Variants in GTF2F2 observed in about 807,000 individuals in gnomAD.
GTF2F2 encodes the protein ATP-dependent helicase GTF2F2.
A neutral mutation model predicts 42.2 loss-of-function variants in GTF2F2; 23 were observed. The ratio of observed to expected loss-of-function variants is 0.55; its 90% CI spans 0.39 to 0.77. The LOEUF is 0.77. Among genes scored for constraint, GTF2F2 ranks in the 30% least tolerant of loss-of-function variants. The probability of loss-of-function intolerance (pLI) is 0.00; values close to 1 mark genes in which losing one functional copy is unlikely to be tolerated. For missense variants in GTF2F2, 261 were observed against 287.2 expected, an observed-to-expected ratio of 0.91 and a Z score of 0.66; for synonymous variants, 105 against 100.8, an observed-to-expected ratio of 1.04 and a Z score of -0.25.
At chr13:45,139,413 C>T (rs952523633) in intron 2 of GTF2F2, among the ~76,000 whole-genome samples, 1 of 152,186 alleles carries the variant, frequency 6.6e-6, no homozygotes, top group South Asian at 2.1e-4. Context: ...ACTGTGTCCT[C>T]GGATGTCCTC....
At chr13:45,175,668 G>T (rs762851150) in intron 4 of GTF2F2, among the ~76,000 whole-genome samples, 32 of 151,996 alleles carry the variant, frequency 2.1e-4, no homozygotes, top group Non-Finnish European at 4.4e-5. Context: ...TTTTGCCCAG[G>T]CTGAAGTGCA....
chr13:45,189,152 G>A (rs1872536153), intron 4 of GTF2F2, among the ~76,000 whole-genome samples: 1 of 152,074 alleles, frequency 6.6e-6, no homozygotes, highest in Non-Finnish European at 1.5e-5. Context: ...AACATGTGGT[G>A]TTTGGTTTTC....
chr13:45,230,147 C>T lies in GTF2F2; in HGVS notation c.386+22642C>T, dbSNP rs140285312. On this transcript the variant is annotated intron_variant, in intron 5 of 7. Coordinates refer to ENST00000340473, the MANE Select transcript of GTF2F2 (RefSeq NM_004128.3). The stretch of plus-strand genomic sequence containing the variant: ...AGGAGAATCGTTTAAACCCATGAGG[C>T]GGAGGTTACAGTGAGCCAAGATCGC... Among the ~76,000 whole-genome samples the T allele has an allele frequency of 6.1e-3, 919 of 151,860 alleles. 8 individuals are homozygous for T. Among genetic ancestry groups the T allele is most frequent in the African/African-American group, 0.021 (852 of 41,412 alleles).
chr13:45,283,111 G>A (rs1007029797), intron 7 of GTF2F2, among the ~76,000 whole-genome samples: 5 of 152,092 alleles, frequency 3.3e-5, no homozygotes, highest in Non-Finnish European at 7.3e-5. Flanking sequence ...TTGGTGTACC[G>A]TGTCACACTG....
At chr13:45,236,636 A>T (rs75415981) in intron 5 of GTF2F2, among the ~76,000 whole-genome samples, 1 of 152,278 alleles carries the variant, frequency 6.6e-6, no homozygotes, top group Admixed American at 6.5e-5. Context: ...CCCTAAAAGC[A>T]TTAGCCTATT....
intron 1 of GTF2F2, among the ~76,000 whole-genome samples, chr13:45,127,492 A>AT (rs34519885): frequency 0.23 from 31,073 of 137,416 alleles, 3,775 homozygotes; most frequent in African/African-American, 0.28. Context: ...CGCCCAACTA[A>AT]TTTTTTTTTT....
At chr13:45,126,345 G>T (rs1188197235) in intron 1 of GTF2F2, among the ~76,000 whole-genome samples, 1 of 145,416 alleles carries the variant, frequency 6.9e-6, no homozygotes, top group African/African-American at 2.6e-5. Flanking sequence ...TCCGCCTCCC[G>T]GCTTCAAGCG....
rs924768762 is a variant in GTF2F2 at position 45,244,358 on chromosome 13, A to C, written c.387-8513A>C. On this transcript the variant is annotated intron_variant, in intron 5 of 7. Transcript: ENST00000340473. ...CAATTTTGTTTTGTTTTTGCTTACT[A>C]TGAGGAAAAAATGATATTGAGATGA... 2.0e-5 allele frequency among the ~76,000 whole-genome samples: 3 copies of C among 152,206 alleles called. No individual in the cohort carries two copies. The South Asian group carries it at 6.2e-4, about 31-fold the overall frequency.
intron 5 of GTF2F2, among the ~76,000 whole-genome samples, chr13:45,210,857 A>G (rs1479249753): frequency 6.6e-6 from 1 of 152,214 alleles, no homozygotes; most frequent in Admixed American, 6.5e-5. Flanking sequence ...TTTTAGATAG[A>G]TCATTCTGGC....
At chr13:45,158,746 T>A (rs1265914351) in intron 4 of GTF2F2, among the ~76,000 whole-genome samples, 2 of 152,204 alleles carry the variant, frequency 1.3e-5, no homozygotes, top group Non-Finnish European at 2.9e-5. Context: ...CTCATGGTTA[T>A]CTCCACGGTG....
intron 6 of GTF2F2, 82 bp from the exon 7 acceptor site, chr13:45,267,151 A>G: frequency 1.3e-6 from 1 of 774,558 alleles, no homozygotes; most frequent in Non-Finnish European, 1.8e-6. Context: ...CTCTGTCTCA[A>G]AAAAAAAAAA....
chr13:45,244,423 A>C (rs1414273655), intron 5 of GTF2F2, among the ~76,000 whole-genome samples: 1 of 151,386 alleles, frequency 6.6e-6, no homozygotes, highest in East Asian at 1.9e-4. Context: ...GCACATAGTA[A>C]GTGTTCTTTA....
chr13:45,191,224 A>AAAAAAAATATATATATATATATATAT, intron 4 of GTF2F2, among the ~76,000 whole-genome samples: 19 of 75,274 alleles, frequency 2.5e-4, no homozygotes, highest in African/African-American at 4.0e-4. Flanking sequence ...ACAAAAAAAA[A>AAAAAAAATATATATATATATATATAT]ATATATATAT....
intron 4 of GTF2F2, among the ~76,000 whole-genome samples, chr13:45,156,014 C>T (rs1186165481): frequency 6.6e-6 from 1 of 151,960 alleles, no homozygotes; most frequent in Non-Finnish European, 1.5e-5. Context: ...CTGTGTTGCC[C>T]AGGCTGAACT....
chr13:45,126,932 T>C (rs893805999), intron 1 of GTF2F2, among the ~76,000 whole-genome samples: 1 of 152,220 alleles, frequency 6.6e-6, no homozygotes, highest in African/African-American at 2.4e-5. Context: ...GTTGTACTTA[T>C]TACCTTGTCT....
chr13:45,132,495 A>G lies in GTF2F2; in HGVS notation c.67-4238A>G, dbSNP rs955472426. 2.6e-5 allele frequency among the ~76,000 whole-genome samples: 4 copies of G among 151,272 alleles called. No individual in the cohort carries two copies. In the East Asian group the frequency reaches 5.8e-4, roughly 22 times the overall value. On this transcript the variant is annotated intron_variant, in intron 1 of 7. Coordinates refer to ENST00000340473, the MANE Select transcript of GTF2F2 (RefSeq NM_004128.3). ...GGCCTCTTCAATATGGCAGATTTCT[A>G]AATCAGAGTGTGCACACTGAGAAAG...
At chr13:45,226,753 A>G (rs192621674) in intron 5 of GTF2F2, among the ~76,000 whole-genome samples, 34 of 152,304 alleles carry the variant, frequency 2.2e-4, no homozygotes, top group Non-Finnish European at 4.7e-4. Flanking sequence ...CCATTCAAAA[A>G]CACAGCTGTC....
intron 1 of GTF2F2, among the ~76,000 whole-genome samples, chr13:45,135,952 A>G (rs1869597684): frequency 6.6e-6 from 1 of 152,392 alleles, no homozygotes; most frequent in East Asian, 1.9e-4. Flanking sequence ...GTAGGGATTC[A>G]GCATATATCA....
At chr13:45,156,056 T>A (rs976239119) in intron 4 of GTF2F2, among the ~76,000 whole-genome samples, 1 of 152,180 alleles carries the variant, frequency 6.6e-6, no homozygotes, top group African/African-American at 2.4e-5. Flanking sequence ...CACCTCAGCC[T>A]CCTGAGTAGC....
Sources: allele counts gnomAD v4.1 joint callset (sites outside exome capture counted in the v4.1 genomes callset), GRCh38; gene constraint gnomAD v4.1.1; transcripts MANE v1.5; gene names NCBI Gene and HGNC (gene_info 2026-07-23, HGNC 2026-07-21).